Variants in SDK1 observed in about 807,000 individuals in gnomAD.
The protein encoded by SDK1 is protein sidekick-1.
A neutral mutation model predicts 245.5 loss-of-function variants in SDK1; 157 were observed. The observed-to-expected ratio is 0.64, with a 90% CI of 0.56 to 0.73. The LOEUF (loss-of-function observed/expected upper bound fraction) is 0.73. Among genes scored for constraint, SDK1 ranks in the 30% least tolerant of loss-of-function variants. The pLI is 0.00. For missense variants in SDK1, 3,583 were observed against 3,002.3 expected, an observed-to-expected ratio of 1.19 and a Z score of -4.52; for synonymous variants, 1,647 against 1,278.5, an observed-to-expected ratio of 1.29 and a Z score of -6.15.
chr7:3,479,302 G>T (rs1484721479), intron 1 of SDK1, among the ~76,000 whole-genome samples: 4 of 150,964 alleles, frequency 2.6e-5, no homozygotes, highest in Admixed American at 1.3e-4. Flanking sequence ...TGTGCCTGTA[G>T]TCCCAGCTAC....
chr7:3,815,495 G>A (rs1416443756), intron 4 of SDK1, among the ~76,000 whole-genome samples: 8 of 150,422 alleles, frequency 5.3e-5, no homozygotes, highest in African/African-American at 2.0e-4. Context: ...GCTTTTTGAT[G>A]TGCTGCTGGA....
Position 4,265,150 on chromosome 7 carries a change from G to T in SDK1, c.6408G>T (p.Ala2136=). 1.2e-6 allele frequency: 2 copies of T among 1,612,234 alleles called. No homozygotes were observed. The highest frequency in any genetic ancestry group is 1.7e-6 in the Non-Finnish European group (2 of 1,179,614). The change falls in exon 45 of 45, where the codon GCG becomes GCT. Residue 2136 remains alanine, a synonymous_variant. Transcript: ENST00000404826. Reference sequence around the variant, plus strand: ...CCACGGACTCTGACTACGAGGACGCGCTGCCCAAGCACTCCTTCGTGAACC... The same window carrying T: ...CCACGGACTCTGACTACGAGGACGCTCTGCCCAAGCACTCCTTCGTGAACC... ...SEATDSDYED[A]LPKHSFVNHY...
intron 22 of SDK1, among the ~76,000 whole-genome samples, chr7:4,105,291 T>C (rs547537916): frequency 1.4e-5 from 2 of 140,744 alleles, no homozygotes; most frequent in Non-Finnish European, 3.1e-5. Context: ...CCAGGAGTTA[T>C]ATTTTTTGTT....
intron 1 of SDK1, among the ~76,000 whole-genome samples, chr7:3,342,985 ACTT>A (rs1031654969): frequency 2.2e-5 from 3 of 138,670 alleles, no homozygotes; most frequent in South Asian, 2.5e-4. Context: ...TAGGGAGAAA[ACTT>A]CTGCTAAATG....
Position 4,132,433 on chromosome 7 carries a change from C to G in SDK1, c.4228+10C>G, listed in dbSNP as rs113375564. 1 of 1,587,520 alleles carries G rather than the reference C, an allele frequency of 6.3e-7. No homozygotes were observed. Among genetic ancestry groups the G allele is most frequent in the African/African-American group, 1.3e-5 (1 of 74,566 alleles). ...AACGGCATCATCCTGGGTAAGGGAG[C>G]GGCGGTGGCCGGGCGTGGTGGCTCA... On this transcript the variant is annotated intron_variant, in intron 28 of 44. Transcript: ENST00000404826.
At chr7:3,780,297 G>T (rs893875329) in intron 4 of SDK1, among the ~76,000 whole-genome samples, 1 of 152,146 alleles carries the variant, frequency 6.6e-6, no homozygotes, top group Non-Finnish European at 1.5e-5. Flanking sequence ...TGATGCTAAC[G>T]TTCCAGGATG....
At chr7:3,649,740 G>A (rs778082610) in intron 4 of SDK1, among the ~76,000 whole-genome samples, 2 of 152,104 alleles carry the variant, frequency 1.3e-5, no homozygotes. Context: ...GCAGTTGGCC[G>A]GCGTGGGAGC....
chr7:4,163,871 A>G (rs632985), intron 32 of SDK1, among the ~76,000 whole-genome samples: 40,906 of 152,094 alleles, frequency 0.27, 6,952 homozygotes, highest in African/African-American at 0.48. Context: ...GAGGTATGAA[A>G]GTGGCAATTT....
chr7:3,613,313 C>G lies in SDK1; in HGVS notation c.299-5767C>G, dbSNP rs141282881. Reference sequence around the variant, plus strand: ...GGGTCATGGTCCCTTTCTAGATGAGCAGAAGATTATTCTCACATTGGAGAG... The same window carrying G: ...GGGTCATGGTCCCTTTCTAGATGAGGAGAAGATTATTCTCACATTGGAGAG... On this transcript the variant is annotated intron_variant, in intron 1 of 44. Transcript: ENST00000404826. Among the ~76,000 whole-genome samples, 8 of 152,252 alleles carry G rather than the reference C, an allele frequency of 5.3e-5. No homozygotes were observed. The East Asian group carries it at 1.5e-3, about 29-fold the overall frequency.
At position 3,474,660 on chromosome 7, in the gene SDK1, A is replaced by G. The variant is rs1339848007; in HGVS notation, c.299-144420A>G. Among the ~76,000 whole-genome samples, 6 of 151,972 alleles carry G rather than the reference A, an allele frequency of 3.9e-5. No individual in the cohort carries two copies. The East Asian group carries it at 7.7e-4, about 20-fold the overall frequency. On this transcript the variant is annotated intron_variant, in intron 1 of 44. Coordinates refer to ENST00000404826, the MANE Select transcript of SDK1 (RefSeq NM_152744.4). ...TTCCACCTCTAATGTCATCATATTC[A>G]AATTATTGCCATCTCGCACCTGGGT...
intron 4 of SDK1, among the ~76,000 whole-genome samples, chr7:3,783,867 A>G (rs1011174345): frequency 6.6e-6 from 1 of 151,876 alleles, no homozygotes; most frequent in Non-Finnish European, 1.5e-5. Flanking sequence ...AAATTTATGT[A>G]GAAACAAAAA....
At chr7:3,365,873 C>T (rs1781074824) in intron 1 of SDK1, among the ~76,000 whole-genome samples, 1 of 151,854 alleles carries the variant, frequency 6.6e-6, no homozygotes, top group Non-Finnish European at 1.5e-5. Context: ...TCTGTCTCTA[C>T]TAAAAATACA....
chr7:3,612,744 C>T (rs1310813730), intron 1 of SDK1, among the ~76,000 whole-genome samples: 2 of 152,126 alleles, frequency 1.3e-5, no homozygotes, highest in Admixed American at 6.6e-5. Context: ...GTGGCAAAAG[C>T]GGAGTTCAGT....
At chr7:3,984,420 C>T (rs558287301) in intron 13 of SDK1, among the ~76,000 whole-genome samples, 5 of 152,190 alleles carry the variant, frequency 3.3e-5, no homozygotes, top group Non-Finnish European at 7.3e-5. Flanking sequence ...CAAGAGGCCG[C>T]ATTTTCACCT....
intron 1 of SDK1, among the ~76,000 whole-genome samples, chr7:3,477,155 T>C (rs939055127): frequency 1.3e-5 from 2 of 151,404 alleles, no homozygotes; most frequent in Non-Finnish European, 2.9e-5. Context: ...GCTTGAAATA[T>C]CCTAACACTT....
Position 3,781,621 on chromosome 7 carries a change from C to G in SDK1, c.714-39829C>G, listed in dbSNP as rs545331375. Among the ~76,000 whole-genome samples the G allele has an allele frequency of 3.3e-5, 5 of 152,022 alleles. No individual in the cohort carries two copies. In the South Asian group the frequency reaches 1.0e-3, roughly 32 times the overall value. On this transcript the variant is annotated intron_variant, in intron 4 of 44. Transcript: ENST00000404826. ...TGTTGACAAAGAATTCAGAATAGTA[C>G]TCATAAAGAAGTTCAGTGAACTACA...
At chr7:3,863,064 C>T (rs183254667) in intron 5 of SDK1, among the ~76,000 whole-genome samples, 109 of 152,298 alleles carry the variant, frequency 7.2e-4, no homozygotes, top group African/African-American at 2.0e-3. Context: ...TACCAGTCTG[C>T]GGCCTGGAGG....
chr7:3,379,631 G>A (rs374808416), intron 1 of SDK1, among the ~76,000 whole-genome samples: 7 of 152,170 alleles, frequency 4.6e-5, no homozygotes, highest in African/African-American at 1.7e-4. Flanking sequence ...GGAAGAAAAA[G>A]ATGAACTTGG....
chr7:3,891,285 C>T lies in SDK1; in HGVS notation c.848-59638C>T, dbSNP rs139261421. Among the ~76,000 whole-genome samples, 517 of 152,220 alleles carry T rather than the reference C, an allele frequency of 3.4e-3. 5 individuals are homozygous for T. Among genetic ancestry groups the T allele is most frequent in the African/African-American group, 0.011 (466 of 41,532 alleles). On this transcript the variant is annotated intron_variant, in intron 5 of 44. Transcript: ENST00000404826. ...CAGTCGTGCTCCCGGGGAGGACTTT[C>T]CAGGCCGTGGTTTTCGTGGCTCTGA...
Sources: allele counts gnomAD v4.1 joint callset (sites outside exome capture counted in the v4.1 genomes callset), GRCh38; gene constraint gnomAD v4.1.1; transcripts MANE v1.5; gene names NCBI Gene and HGNC (gene_info 2026-07-23, HGNC 2026-07-21).